DCC: variants seen among roughly 807,000 people sequenced by gnomAD.
DCC encodes the protein netrin receptor DCC.
Under a neutral mutation model 172.5 loss-of-function variants are expected in DCC, and 58 were observed. The observed-to-expected ratio is 0.34, with a 90% CI of 0.27 to 0.42. The LOEUF (loss-of-function observed/expected upper bound fraction) is 0.42, where lower values mean the gene tolerates loss of function less well. DCC is among the 10% of genes least tolerant of loss of function. The pLI, the probability that DCC is intolerant of heterozygous loss-of-function variation, is 1.00. For missense variants in DCC, 1,740 were observed against 1,791.0 expected, an observed-to-expected ratio of 0.97 and a Z score of 0.51; for synonymous variants, 709 against 644.5, an observed-to-expected ratio of 1.10 and a Z score of -1.52.
At chr18:52,928,878 G>A (rs1349088373) in intron 5 of DCC, among the ~76,000 whole-genome samples, 1 of 152,146 alleles carries the variant, frequency 6.6e-6, no homozygotes, top group African/African-American at 2.4e-5. Flanking sequence ...ATATTGGCAG[G>A]ATGTCACTCA....
At chr18:53,425,253 C>A (rs370345584) in intron 21 of DCC, among the ~76,000 whole-genome samples, 1 of 151,818 alleles carries the variant, frequency 6.6e-6, no homozygotes, top group Non-Finnish European at 1.5e-5. Context: ...GAGAATAGAG[C>A]CACCATCTCA....
intron 5 of DCC, among the ~76,000 whole-genome samples, chr18:53,048,589 G>A (rs1437040012): frequency 3.6e-5 from 5 of 137,696 alleles, no homozygotes; most frequent in African/African-American, 8.4e-5. Context: ...ATATATATAC[G>A]TATATACATA....
rs1216065539 is a variant in DCC, at chr18:52,852,387, CATCT to C, written c.413-53656_413-53653del. 1.1e-4 allele frequency among the ~76,000 whole-genome samples: 17 copies of C among 151,978 alleles called. No individual in the cohort carries two copies. The South Asian group carries it at 1.7e-3, about 15-fold the overall frequency. On this transcript the variant is annotated intron_variant, in intron 2 of 28. Coordinates refer to ENST00000442544, the MANE Select transcript of DCC (RefSeq NM_005215.4). ...AGATGATTGTTATTTAACTTTCATC[CATCT>C]GTTTCTCTTTAAAAAACTGCATTTG...
At chr18:52,415,890 T>G (rs1197711899) in intron 1 of DCC, among the ~76,000 whole-genome samples, 3 of 152,226 alleles carry the variant, frequency 2.0e-5, no homozygotes, top group Non-Finnish European at 4.4e-5. Context: ...TACTCTGATT[T>G]TAGTTATTTC....
intron 5 of DCC, among the ~76,000 whole-genome samples, chr18:53,058,491 A>G (rs776280836): frequency 6.6e-6 from 1 of 152,120 alleles, no homozygotes; most frequent in Non-Finnish European, 1.5e-5. Context: ...TTGTGTTGAG[A>G]ATATAGGACT....
At chr18:52,464,220 C>T (rs915731096) in intron 1 of DCC, among the ~76,000 whole-genome samples, 8 of 152,006 alleles carry the variant, frequency 5.3e-5, no homozygotes, top group South Asian at 4.2e-4. Flanking sequence ...CATCCTAGTT[C>T]GGGAAACACT....
intron 1 of DCC, among the ~76,000 whole-genome samples, chr18:52,541,957 A>G (rs1265707990): frequency 6.9e-6 from 1 of 144,900 alleles, no homozygotes; most frequent in East Asian, 2.0e-4. Context: ...TATAAAATAT[A>G]TACACTATAT....
chr18:53,064,519 T>C (rs2144084529), intron 6 of DCC, among the ~76,000 whole-genome samples: 1 of 152,224 alleles, frequency 6.6e-6, no homozygotes, highest in South Asian at 2.1e-4. Flanking sequence ...GCTCTCTCCA[T>C]CGTATTACAA....
At chr18:52,405,100 G>T (rs1022768687) in intron 1 of DCC, among the ~76,000 whole-genome samples, 3 of 151,134 alleles carry the variant, frequency 2.0e-5, no homozygotes, top group African/African-American at 7.3e-5. Flanking sequence ...CTTTGCTATT[G>T]TGAATAATGC....
chr18:53,166,113 G>C (rs950821805), intron 8 of DCC, among the ~76,000 whole-genome samples: 1 of 152,074 alleles, frequency 6.6e-6, no homozygotes, highest in African/African-American at 2.4e-5. Flanking sequence ...GATATTTAGG[G>C]GGCAAAACTG....
At chr18:53,087,790 G>A (rs1454356621) in intron 7 of DCC, among the ~76,000 whole-genome samples, 1 of 152,186 alleles carries the variant, frequency 6.6e-6, no homozygotes, top group Non-Finnish European at 1.5e-5. Context: ...TAAGGTGTAA[G>A]GAAGGGGTTC....
At chr18:53,088,864 T>A (rs576862396) in intron 7 of DCC, among the ~76,000 whole-genome samples, 1 of 152,182 alleles carries the variant, frequency 6.6e-6, no homozygotes, top group Admixed American at 6.5e-5. Flanking sequence ...ATAGTTCTCA[T>A]TGTGAATATT....
chr18:53,336,938 A>G (rs2057598358), intron 14 of DCC, among the ~76,000 whole-genome samples: 1 of 152,244 alleles, frequency 6.6e-6, no homozygotes, highest in South Asian at 2.1e-4. Flanking sequence ...CTTCTTACGT[A>G]CTAACATTTT....
intron 7 of DCC, among the ~76,000 whole-genome samples, chr18:53,132,284 C>T (rs933525842): frequency 6.6e-6 from 1 of 152,024 alleles, no homozygotes; most frequent in African/African-American, 2.4e-5. Context: ...AATAGTCTCA[C>T]CCTTGCCAAT....
At chr18:53,099,946 T>TC (rs1014210073) in intron 7 of DCC, among the ~76,000 whole-genome samples, 2 of 115,488 alleles carry the variant, frequency 1.7e-5, no homozygotes, top group African/African-American at 8.0e-5. Context: ...TTTCTTTCTT[T>TC]TTTTTTTTTT....
At chr18:52,502,687 T>C (rs566184623) in intron 1 of DCC, among the ~76,000 whole-genome samples, 2 of 152,296 alleles carry the variant, frequency 1.3e-5, no homozygotes, top group South Asian at 4.1e-4. Context: ...GACAAATACT[T>C]ACTTTATTGC....
At chr18:52,965,830 C>G (rs921404581) in intron 5 of DCC, among the ~76,000 whole-genome samples, 2 of 152,158 alleles carry the variant, frequency 1.3e-5, no homozygotes, top group Admixed American at 1.3e-4. Context: ...AATGAGTTCT[C>G]TTTCCACTGG....
At chr18:52,564,824 T>G (rs1249401154) in intron 1 of DCC, among the ~76,000 whole-genome samples, 2 of 152,020 alleles carry the variant, frequency 1.3e-5, no homozygotes, top group Non-Finnish European at 2.9e-5. Flanking sequence ...GAGGAGCTCT[T>G]TGTAGTCTAG....
intron 1 of DCC, among the ~76,000 whole-genome samples, chr18:52,418,733 C>T (rs1277238779): frequency 3.3e-5 from 5 of 152,132 alleles, no homozygotes; most frequent in African/African-American, 7.2e-5. Context: ...GAGCTGCTGG[C>T]GCATGTCATA....
Sources: allele counts gnomAD v4.1 joint callset (sites outside exome capture counted in the v4.1 genomes callset), GRCh38; gene constraint gnomAD v4.1.1; transcripts MANE v1.5; gene names NCBI Gene and HGNC (gene_info 2026-07-23, HGNC 2026-07-21).